The following INO80D variants were observed in gnomAD, a reference collection of about 807,000 sequenced individuals.
INO80D encodes INO80 complex subunit D.
A neutral mutation model predicts 87.6 loss-of-function variants in INO80D; 21 were observed. That is an observed-to-expected ratio of 0.24 (90% CI 0.17 to 0.35). The LOEUF (loss-of-function observed/expected upper bound fraction) is 0.35, where lower values mean the gene tolerates loss of function less well. Among genes scored for constraint, INO80D ranks in the 10% least tolerant of loss-of-function variants. INO80D has a pLI of 1.00. For missense variants in INO80D, 982 were observed against 1,280.7 expected (o/e 0.77, Z 3.56); for synonymous variants, 440 against 491.0 (o/e 0.90, Z 1.37).
At chr2:206,026,557 A>T (rs147537311) in intron 6 of INO80D, among the ~76,000 whole-genome samples, 11,869 of 151,274 alleles carry the variant, frequency 0.078, 700 homozygotes, top group Admixed American at 0.19. Context: ...AAAAAAAATT[A>T]AAAAAAAGAA....
intron 5 of INO80D, among the ~76,000 whole-genome samples, chr2:206,036,251 G>A (rs1363848133): frequency 2.0e-5 from 3 of 152,150 alleles, no homozygotes; most frequent in African/African-American, 7.2e-5. Flanking sequence ...TACCCACCCA[G>A]AGGAAAAGAA....
chr2:206,078,773 C>G (rs371347078), intron 1 of INO80D, among the ~76,000 whole-genome samples: 2 of 151,938 alleles, frequency 1.3e-5, no homozygotes, highest in Non-Finnish European at 2.9e-5. Context: ...GGTGAAACCC[C>G]GTCTCTACTA....
At chr2:206,065,536 T>A (rs561678999) in intron 1 of INO80D, among the ~76,000 whole-genome samples, 14 of 151,810 alleles carry the variant, frequency 9.2e-5, no homozygotes, top group African/African-American at 3.4e-4. Context: ...AATAAACAAA[T>A]GGGATTATAT....
chr2:206,019,702 T>C, intron 7 of INO80D, 34 bp downstream of exon 7: 1 of 1,546,372 alleles, frequency 6.5e-7, no homozygotes, highest in Non-Finnish European at 8.9e-7. Flanking sequence ...GGTAGTACTT[T>C]TTCAATGCAC....
At chr2:206,017,408 G>T (rs759366716) in intron 8 of INO80D, among the ~76,000 whole-genome samples, 1 of 152,112 alleles carries the variant, frequency 6.6e-6, no homozygotes, top group Non-Finnish European at 1.5e-5. Context: ...CTGGGCCTTC[G>T]ATTGAAGTTT....
intron 5 of INO80D, among the ~76,000 whole-genome samples, chr2:206,041,523 T>C (rs1020152942): frequency 1.3e-5 from 2 of 152,272 alleles, no homozygotes; most frequent in Middle Eastern, 3.4e-3. Flanking sequence ...TAAACAATTA[T>C]GCATCTAATA....
At position 206,063,064 on chromosome 2, in the gene INO80D, A is replaced by C; in HGVS notation, c.-29-19T>G. ...ACATCAGCTAAAAGGCCACCACAAA[A>C]AAAGAAACCCAAATGATAAATCAGA... On this transcript the variant is annotated intron_variant, in intron 2 of 10. Transcript: ENST00000403263. The C allele has an allele frequency of 7.8e-7, 1 of 1,289,766 alleles. No individual in the cohort carries two copies. The highest frequency in any genetic ancestry group is 1.1e-6 in the Non-Finnish European group (1 of 902,792). The allele number at this position is 1,289,766 out of a possible 1,614,324, so 79.9% of individuals were successfully genotyped here.
Position 206,042,059 on chromosome 2 carries a change from A to C in INO80D, c.1073+4445T>G, listed in dbSNP as rs532917021. Among the ~76,000 whole-genome samples, 8 of 152,260 alleles carry C rather than the reference A, an allele frequency of 5.3e-5. No homozygotes were observed. The South Asian group carries it at 1.7e-3, about 32-fold the overall frequency. ...ACATGGGTGGATCTCTTAAGCCAGG[A>C]GGTCAAGGCTGCAGTTGAGCCGTAA... On this transcript the variant is annotated intron_variant, in intron 5 of 10. Transcript: ENST00000403263.
intron 5 of INO80D, among the ~76,000 whole-genome samples, chr2:206,044,265 T>C (rs2616352): frequency 0.33 from 50,525 of 151,558 alleles, 8,989 homozygotes; most frequent in South Asian, 0.58. Context: ...CAGATACAAA[T>C]GTGGAGTTAC....
intron 4 of INO80D, among the ~76,000 whole-genome samples, chr2:206,055,937 C>T (rs1689505127): frequency 6.6e-6 from 1 of 152,146 alleles, no homozygotes; most frequent in South Asian, 2.1e-4. Context: ...AAATACTATG[C>T]TGTTTTATAT....
intron 6 of INO80D, among the ~76,000 whole-genome samples, chr2:206,027,467 G>A (rs1269291695): frequency 2.0e-5 from 3 of 152,182 alleles, no homozygotes; most frequent in Non-Finnish European, 4.4e-5. Context: ...GGGAGGTAAA[G>A]GTGGGAGGAT....
chr2:206,069,105 A>G (rs1286184741), intron 1 of INO80D, among the ~76,000 whole-genome samples: 6 of 152,048 alleles, frequency 3.9e-5, no homozygotes, highest in African/African-American at 1.4e-4. Context: ...TTAGCCTTTA[A>G]TTTAATCTTT....
At chr2:206,037,609 A>C (rs1183323552) in intron 5 of INO80D, among the ~76,000 whole-genome samples, 3 of 152,218 alleles carry the variant, frequency 2.0e-5, no homozygotes, top group African/African-American at 7.2e-5. Context: ...CATTAAAAAG[A>C]CACTGTTGGT....
At chr2:206,074,940 G>A (rs948191003) in intron 1 of INO80D, among the ~76,000 whole-genome samples, 2 of 146,256 alleles carry the variant, frequency 1.4e-5, no homozygotes, top group South Asian at 2.2e-4. Flanking sequence ...ACTCCATCTC[G>A]AGGCAGGAGA....
chr2:206,030,030 T>G (rs1006189464), intron 5 of INO80D, among the ~76,000 whole-genome samples: 1 of 152,230 alleles, frequency 6.6e-6, no homozygotes, highest in African/African-American at 2.4e-5. Flanking sequence ...TTCTTCATTT[T>G]GAATTTTTCC....
intron 8 of INO80D, among the ~76,000 whole-genome samples, chr2:206,012,455 T>C (rs1688203013): frequency 6.6e-6 from 1 of 152,296 alleles, no homozygotes; most frequent in South Asian, 2.1e-4. Context: ...CAGGGGGATA[T>C]GGCAAGAAGG....
In INO80D at chr2:206,056,169, T is replaced by C. The variant is rs541897576; in HGVS notation, c.964+29A>G. The C allele has an allele frequency of 1.9e-6, 3 of 1,540,478 alleles. No homozygotes were observed. In the African/African-American group the frequency reaches 4.1e-5, roughly 21 times the overall value. ...CGAACACATTTTGTCATATTATGTG[T>C]CTATGATACGATAAAATAGATAACT... On this transcript the variant is annotated intron_variant, in intron 4 of 10. Coordinates refer to ENST00000403263, the MANE Select transcript of INO80D (RefSeq NM_017759.5).
chr2:206,062,955 C>T lies in INO80D; in HGVS notation c.62G>A (p.Ser21Asn). Residue 21 changes from serine to asparagine, a missense_variant, in exon 3 of 11, where the codon AGC (serine) becomes AAC (asparagine). Transcript: ENST00000403263. This position sits in a 1 kb window ranked among gnomAD's most constrained non-coding sequence, Gnocchi z 4.6. ...EVDNKPLCSY[S>N]PKLCKQRRLN... ...TCGCCTCTGCTTGCACAGTTTGGGG[C>T]TATATGAGCACAAGGGCTTATTGTC... 6.2e-7 allele frequency: 1 copy of T among 1,613,244 alleles called. No individual in the cohort carries two copies. Among genetic ancestry groups the T allele is most frequent in the Non-Finnish European group, 8.5e-7 (1 of 1,179,732 alleles).
At position 206,005,085 on chromosome 2, in the gene INO80D, G is replaced by A. The variant is rs184363578; in HGVS notation, c.2367C>T (p.Asp789=). The change falls in exon 11 of 11, where the codon GAC becomes GAT. Residue 789 remains aspartate, a synonymous_variant. Coordinates refer to ENST00000403263, the MANE Select transcript of INO80D (RefSeq NM_017759.5). ...AFPGQFHGLH[D]GSHASQRPHP... ...GTGGCCTCTGGGAGGCATGGCTGCC[G>A]TCATGAAGTCCATGAAACTGTCCTG... 6.6e-4 allele frequency: 1,058 copies of A among 1,613,966 alleles called. 8 individuals carry two copies. Among genetic ancestry groups the A allele is most frequent in the African/African-American group, 6.4e-3 (478 of 75,022 alleles).
Sources: gnomAD v4.1 joint callset for allele counts (sites outside exome capture counted in the v4.1 genomes callset) on GRCh38, gnomAD v4.1.1 for gene constraint, Gnocchi (gnomAD v3.1) non-coding constraint, MANE v1.5 for transcripts, NCBI Gene and HGNC (gene_info 2026-07-23, HGNC 2026-07-21) for gene names.